The following FAF1 variants were observed in gnomAD, a reference collection of about 807,000 sequenced individuals.
FAF1 encodes Fas associated factor 1, also known as FAS-associated factor 1.
FAF1 carries 25 observed loss-of-function variants against 92.5 expected under a neutral mutation model. The observed-to-expected ratio is 0.27, with a 90% CI of 0.20 to 0.38. The LOEUF is 0.38. Ranked by LOEUF, FAF1 falls within the 10% of genes least tolerant of loss-of-function variation. The pLI, the probability that FAF1 is intolerant of heterozygous loss-of-function variation, is 1.00. For missense variants in FAF1, 636 were observed against 793.3 expected, an observed-to-expected ratio of 0.80 and a Z score of 2.38; for synonymous variants, 234 against 273.2, an observed-to-expected ratio of 0.86 and a Z score of 1.42.
intron 16 of FAF1, among the ~76,000 whole-genome samples, 167 bp from the exon 17 acceptor site, chr1:50,490,832 T>C (rs1169992144): frequency 1.3e-5 from 2 of 152,206 alleles, no homozygotes; most frequent in East Asian, 1.9e-4. Context: ...GAAATGTTTC[T>C]AGAACAAGAA....
chr1:50,897,534 A>T (rs1260510026), intron 1 of FAF1, among the ~76,000 whole-genome samples: 1 of 152,050 alleles, frequency 6.6e-6, no homozygotes, highest in African/African-American at 2.4e-5. Context: ...TTCCAATGTG[A>T]CTCCTCACAC....
rs972842623 is a variant in FAF1, at chr1:50,441,684, T to C, written c.1870-161A>G. On this transcript the variant is annotated intron_variant, in intron 18 of 18. Coordinates refer to ENST00000396153, the MANE Select transcript of FAF1 (RefSeq NM_007051.3). The stretch of plus-strand genomic sequence containing the variant: ...TTCAAAATAACCTGCAAGGCAGGTG[T>C]TGTTATTCTCATTTTATAAATGAGG... Among the ~76,000 whole-genome samples the C allele has an allele frequency of 2.2e-4, 33 of 152,220 alleles. 1 individual carries two copies. Among genetic ancestry groups the C allele is most frequent in the Non-Finnish European group, 3.8e-4 (26 of 68,048 alleles).
At chr1:50,874,643 G>A (rs1644554666) in intron 1 of FAF1, among the ~76,000 whole-genome samples, 1 of 151,676 alleles carries the variant, frequency 6.6e-6, no homozygotes. Flanking sequence ...ACTGGCATTA[G>A]CCACCATGCA....
intron 7 of FAF1, among the ~76,000 whole-genome samples, chr1:50,699,953 G>A (rs140158306): frequency 2.6e-5 from 4 of 151,968 alleles, no homozygotes; most frequent in South Asian, 4.2e-4. Context: ...ATTCATCCTC[G>A]GACACAAAGC....
At chr1:50,822,016 A>AT (rs1257167104) in intron 2 of FAF1, among the ~76,000 whole-genome samples, 3 of 151,936 alleles carry the variant, frequency 2.0e-5, no homozygotes, top group Admixed American at 6.6e-5. Context: ...TACAACTTAA[A>AT]TTTTAAATTT....
Position 50,489,195 on chromosome 1 carries a change from A to T in FAF1, c.1653+1393T>A, listed in dbSNP as rs1000589040. Among the ~76,000 whole-genome samples, 4 of 152,290 alleles carry T rather than the reference A, an allele frequency of 2.6e-5. No individual in the cohort carries two copies. The East Asian group carries it at 7.7e-4, about 29-fold the overall frequency. ...GGCTGTATATTCCCTCTAAGATGTAATATCTTCTTATAGGCAGAAAACGTT... is the reference window on the plus strand; with the variant it reads ...GGCTGTATATTCCCTCTAAGATGTATTATCTTCTTATAGGCAGAAAACGTT... On this transcript the variant is annotated intron_variant, in intron 17 of 18. Transcript: ENST00000396153.
intron 4 of FAF1, among the ~76,000 whole-genome samples, chr1:50,777,699 A>T (rs1661014292): frequency 6.6e-6 from 1 of 151,522 alleles, no homozygotes; most frequent in South Asian, 2.1e-4. Flanking sequence ...GCCTGTTATG[A>T]GGGCTAAATT....
intron 1 of FAF1, among the ~76,000 whole-genome samples, chr1:50,862,718 C>G (rs1017799601): frequency 4.0e-5 from 6 of 151,312 alleles, no homozygotes; most frequent in African/African-American, 1.5e-4. Context: ...AAATGGACAC[C>G]AAAAGCAAGC....
chr1:50,796,021 G>A (rs1226830314), intron 3 of FAF1, among the ~76,000 whole-genome samples: 1 of 151,634 alleles, frequency 6.6e-6, no homozygotes, highest in African/African-American at 2.4e-5. Context: ...CAAAAATGAA[G>A]GTGAAAGATG....
At chr1:50,577,524 GGAAAAGAAAA>G (rs1309170797) in intron 12 of FAF1, among the ~76,000 whole-genome samples, 1 of 151,994 alleles carries the variant, frequency 6.6e-6, no homozygotes, top group Non-Finnish European at 1.5e-5. Context: ...GACTCCATCT[GGAAAAGAAAA>G]GAAAAGAGAA....
intron 1 of FAF1, among the ~76,000 whole-genome samples, chr1:50,885,389 A>G (rs1644652693): frequency 6.6e-6 from 1 of 151,758 alleles, no homozygotes; most frequent in Non-Finnish European, 1.5e-5. Flanking sequence ...AGATGCATAT[A>G]TATTCACAAT....
intron 2 of FAF1, among the ~76,000 whole-genome samples, chr1:50,805,820 A>C (rs1375124377): frequency 6.6e-6 from 1 of 152,212 alleles, no homozygotes; most frequent in Non-Finnish European, 1.5e-5. Flanking sequence ...CTTATGAGTA[A>C]AGGAGTTGTG....
chr1:50,482,637 A>C (rs1351895448), intron 17 of FAF1, among the ~76,000 whole-genome samples: 1 of 152,158 alleles, frequency 6.6e-6, no homozygotes, highest in Non-Finnish European at 1.5e-5. Context: ...ATTAATGTGT[A>C]AGAGTTCAGT....
chr1:50,817,126 ACTTTGTT>A (rs1418681085), intron 2 of FAF1, among the ~76,000 whole-genome samples: 1 of 152,090 alleles, frequency 6.6e-6, no homozygotes, highest in African/African-American at 2.4e-5. Flanking sequence ...GATGCCTCCA[ACTTTGTT>A]CTTTTTGCTC....
At chr1:50,534,018 C>T (rs1200696986) in intron 15 of FAF1, among the ~76,000 whole-genome samples, 1 of 152,146 alleles carries the variant, frequency 6.6e-6, no homozygotes, top group East Asian at 1.9e-4. Context: ...CATTTACCCC[C>T]TCAGGATCCA....
At chr1:50,725,017 T>C (rs1052832837) in intron 6 of FAF1, among the ~76,000 whole-genome samples, 1 of 152,200 alleles carries the variant, frequency 6.6e-6, no homozygotes, top group Non-Finnish European at 1.5e-5. Context: ...AAGATTTAAA[T>C]TTAGATTTCG....
chr1:50,471,668 C>T (rs1057241307), intron 18 of FAF1, among the ~76,000 whole-genome samples: 1 of 152,144 alleles, frequency 6.6e-6, no homozygotes, highest in Non-Finnish European at 1.5e-5. Context: ...TAGGCTAGAA[C>T]AGGGGCTGTG....
At chr1:50,723,940 G>C (rs905047024) in intron 6 of FAF1, among the ~76,000 whole-genome samples, 9 of 151,852 alleles carry the variant, frequency 5.9e-5, no homozygotes, top group Non-Finnish European at 1.3e-4. Flanking sequence ...GTAGAGATGG[G>C]GTTTCACCAT....
chr1:50,552,648 G>A (rs1487023619), intron 13 of FAF1, among the ~76,000 whole-genome samples: 2 of 152,166 alleles, frequency 1.3e-5, no homozygotes, highest in Non-Finnish European at 2.9e-5. Context: ...GCCTTCTCTA[G>A]AAAGGTTCAT....
Sources: gnomAD v4.1 joint callset for allele counts (sites outside exome capture counted in the v4.1 genomes callset) on GRCh38, gnomAD v4.1.1 for gene constraint, MANE v1.5 for transcripts, NCBI Gene and HGNC (gene_info 2026-07-23, HGNC 2026-07-21) for gene names.